Variants in AXDND1 observed in about 807,000 individuals in gnomAD.
The protein encoded by AXDND1 is axonemal dynein light chain domain-containing protein 1.
In AXDND1, 110 loss-of-function variants were observed where a neutral mutation model predicts 137.5. That is an observed-to-expected ratio of 0.80 (90% CI 0.69 to 0.94). The LOEUF is 0.94. Ranked by LOEUF, AXDND1 falls within the 40% of genes least tolerant of loss-of-function variation. The pLI is 0.00. For missense variants in AXDND1, 1,191 were observed against 1,169.8 expected, an observed-to-expected ratio of 1.02 and a Z score of -0.26; for synonymous variants, 414 against 399.7, an observed-to-expected ratio of 1.04 and a Z score of -0.43.
intron 21 of AXDND1, among the ~76,000 whole-genome samples, chr1:179,522,149 C>A (rs1670119620): frequency 6.6e-6 from 1 of 152,056 alleles, no homozygotes; most frequent in Non-Finnish European, 1.5e-5. Flanking sequence ...AATCAATCCC[C>A]CATGTCTCTT....
At position 179,395,120 on chromosome 1, in the gene AXDND1, C is replaced by T; in HGVS notation, c.1027C>T (p.His343Tyr). The T allele has an allele frequency of 6.2e-7, 1 of 1,612,666 alleles. No homozygotes were observed. Among genetic ancestry groups the T allele is most frequent in the South Asian group, 1.1e-5 (1 of 90,814 alleles). Reference sequence around the variant, plus strand: ...CAGGGAACTGTGTCTAGTTCGGGCACATGATGTGAAATTAACAAAGGAAAC... The same window carrying T: ...CAGGGAACTGTGTCTAGTTCGGGCATATGATGTGAAATTAACAAAGGAAAC... ...LTRELCLVRA[H>Y]DVKLTKETEK... is the part of the protein sequence containing the mutation. The change falls in exon 11 of 26, where the codon CAT becomes TAT. Residue 343 changes from histidine (H) to tyrosine (Y), a missense_variant. Coordinates refer to ENST00000367618, the MANE Select transcript of AXDND1 (RefSeq NM_144696.6).
intron 17 of AXDND1, among the ~76,000 whole-genome samples, chr1:179,473,721 A>G (rs1024879196): frequency 6.6e-6 from 1 of 152,174 alleles, no homozygotes; most frequent in Admixed American, 6.5e-5. Context: ...TCATGAGAGC[A>G]GTTACCCCCA....
chr1:179,513,818 C>T (rs1266233242), intron 21 of AXDND1, among the ~76,000 whole-genome samples: 1 of 151,804 alleles, frequency 6.6e-6, no homozygotes, highest in Non-Finnish European at 1.5e-5. Context: ...AGGAATTTAT[C>T]CATCTCTTCT....
chr1:179,509,306 A>G lies in AXDND1; in HGVS notation c.2399A>G (p.Tyr800Cys). The change falls in exon 21 of 26, where the codon TAT becomes TGT. Residue 800 changes from tyrosine (Y) to cysteine (C), a missense_variant. Physicochemically the swap from Tyr to Cys is radical, Grantham distance 194 (BLOSUM62 -2). Coordinates refer to ENST00000367618, the MANE Select transcript of AXDND1 (RefSeq NM_144696.6). ...TTTATCTCTTCTCAGAAAGAATGTT[A>G]TGAATGGATCAACACATGCTCTTGC... ...YEVDKLKKEC[Y>C]EWINTCSCLL... 1 of 1,606,750 alleles carries G rather than the reference A, an allele frequency of 6.2e-7. No homozygotes were observed. The highest frequency in any genetic ancestry group is 8.5e-7 in the Non-Finnish European group (1 of 1,174,732).
chr1:179,419,421 G>A (rs1347985365), intron 12 of AXDND1, among the ~76,000 whole-genome samples: 17 of 149,140 alleles, frequency 1.1e-4, no homozygotes, highest in Admixed American at 6.1e-4. Context: ...AGACCAGCCC[G>A]GCCAACACAG....
intron 17 of AXDND1, among the ~76,000 whole-genome samples, chr1:179,478,994 G>A (rs571646588): frequency 3.3e-5 from 5 of 152,094 alleles, no homozygotes; most frequent in Admixed American, 3.3e-4. Context: ...CAGCTACTCA[G>A]GAGGCCAAGA....
chr1:179,491,392 T>C, intron 18 of AXDND1, 146 bp from the exon 19 acceptor site: 1 of 603,122 alleles, frequency 1.7e-6, no homozygotes, highest in Non-Finnish European at 2.9e-6. Flanking sequence ...AATAGGGTCA[T>C]GCTAGCTGAT....
chr1:179,488,641 TTCTTTCTTTCTTTCTTTC>T (rs1553292187), intron 18 of AXDND1, among the ~76,000 whole-genome samples: 1 of 46,536 alleles, frequency 2.1e-5, no homozygotes, highest in African/African-American at 8.6e-5. Context: ...TCTCCTTTCT[TTCTTTCTTTCTTTCTTTC>T]TTTCTTTCTT....
At chr1:179,410,956 TGTGA>T (rs1021014114) in intron 11 of AXDND1, among the ~76,000 whole-genome samples, 186 bp from the exon 12 acceptor site, 4 of 152,238 alleles carry the variant, frequency 2.6e-5, no homozygotes, top group Admixed American at 6.5e-5. Context: ...ATAAATTAAA[TGTGA>T]GTATTTTTCT....
At chr1:179,464,159 G>C (rs1469019747) in intron 16 of AXDND1, among the ~76,000 whole-genome samples, 2 of 152,128 alleles carry the variant, frequency 1.3e-5, no homozygotes, top group African/African-American at 2.4e-5. Context: ...CTGTCATTAT[G>C]CTGTTAGCTG....
intron 11 of AXDND1, among the ~76,000 whole-genome samples, chr1:179,408,661 G>A (rs1456669161): frequency 6.6e-6 from 1 of 152,112 alleles, no homozygotes; most frequent in Non-Finnish European, 1.5e-5. Flanking sequence ...ACAGGCATGA[G>A]CCACCAAACC....
In AXDND1 at chr1:179,495,651, G is replaced by T. The variant is rs555425748; in HGVS notation, c.2388+2700G>T. On this transcript the variant is annotated intron_variant, in intron 20 of 25. Coordinates refer to ENST00000367618, the MANE Select transcript of AXDND1 (RefSeq NM_144696.6). ...ATGCAGTCATGTTATCTGCAGATAG[G>T]GACAGTTTTATTTCTTCCTTTCCAA... is the stretch of plus-strand genomic sequence containing the variant. Among the ~76,000 whole-genome samples, 3 of 151,424 alleles carry T rather than the reference G, an allele frequency of 2.0e-5. No individual in the cohort carries two copies. The East Asian group carries it at 5.8e-4, about 29-fold the overall frequency.
intron 23 of AXDND1, 33 bp downstream of exon 23, chr1:179,528,464 C>G: frequency 7.0e-7 from 1 of 1,429,496 alleles, no homozygotes; most frequent in South Asian, 1.2e-5. Flanking sequence ...GGGAATTCAA[C>G]ACTATTTAAC....
chr1:179,456,593 AT>A, intron 16 of AXDND1: 1 of 793,384 alleles, frequency 1.3e-6, no homozygotes, highest in Non-Finnish European at 2.2e-6. Flanking sequence ...AACCACCATC[AT>A]TACCAAACCC....
At chr1:179,407,907 G>T (rs539797406) in intron 11 of AXDND1, among the ~76,000 whole-genome samples, 6 of 152,092 alleles carry the variant, frequency 3.9e-5, no homozygotes, top group African/African-American at 1.2e-4. Context: ...TCACTTTATG[G>T]TGTCCCATAT....
intron 25 of AXDND1, 50 bp from the exon 26 acceptor site, chr1:179,554,462 A>G (rs745354943): frequency 6.2e-7 from 1 of 1,614,074 alleles, no homozygotes; most frequent in Admixed American, 1.7e-5. Context: ...CTTGCTAGTT[A>G]ATTTCCTACC....
chr1:179,496,460 T>A (rs571401005), intron 20 of AXDND1, among the ~76,000 whole-genome samples: 1 of 152,164 alleles, frequency 6.6e-6, no homozygotes, highest in African/African-American at 2.4e-5. Context: ...TGTAAGGAAT[T>A]TGCGATTTCA....
chr1:179,507,253 T>C (rs779826166), intron 20 of AXDND1, among the ~76,000 whole-genome samples: 1 of 152,204 alleles, frequency 6.6e-6, no homozygotes, highest in Non-Finnish European at 1.5e-5. Flanking sequence ...AAAGGTATTA[T>C]TGAAGGTTTT....
At chr1:179,473,278 A>G in intron 17 of AXDND1, among the ~76,000 whole-genome samples, 1 of 151,994 alleles carries the variant, frequency 6.6e-6, no homozygotes, top group Non-Finnish European at 1.5e-5. Flanking sequence ...GGGGTGGATC[A>G]CCTGAGGTCA....
Sources: gnomAD v4.1 joint callset for allele counts (sites outside exome capture counted in the v4.1 genomes callset) on GRCh38, gnomAD v4.1.1 for gene constraint, MANE v1.5 for transcripts, NCBI Gene and HGNC (gene_info 2026-07-23, HGNC 2026-07-21) for gene names.